Variants in TAGLN2 observed in about 807,000 individuals in gnomAD.
TAGLN2 encodes the protein transgelin-2.
TAGLN2 carries 14 observed loss-of-function variants against 24.9 expected under a neutral mutation model. The ratio of observed to expected loss-of-function variants is 0.56; its 90% CI spans 0.37 to 0.88. The LOEUF (loss-of-function observed/expected upper bound fraction) is 0.88. Ranked by LOEUF, TAGLN2 falls within the 40% of genes least tolerant of loss-of-function variation. The probability of loss-of-function intolerance (pLI) is 0.00; values close to 1 mark genes in which losing one functional copy is unlikely to be tolerated. For missense variants in TAGLN2, 208 were observed against 258.9 expected, an observed-to-expected ratio of 0.80 and a Z score of 1.35; for synonymous variants, 77 against 98.2, an observed-to-expected ratio of 0.78 and a Z score of 1.28.
intron 1 of TAGLN2, chr1:159,923,698 A>AAAT: frequency 2.3e-6 from 1 of 441,740 alleles, no homozygotes; most frequent in Admixed American, 4.2e-5. Context: ...GAACCACCGT[A>AAAT]GGGCAGCCCC....
chr1:159,919,862 G>A, intron 2 of TAGLN2, 27 bp from the exon 3 acceptor site: 1 of 1,608,820 alleles, frequency 6.2e-7, no homozygotes, highest in Non-Finnish European at 8.5e-7. Context: ...GGGGTGGAAA[G>A]GTGAGAATAT....
At chr1:159,920,793 T>A (rs770299158) in intron 1 of TAGLN2, among the ~76,000 whole-genome samples, 3 of 152,204 alleles carry the variant, frequency 2.0e-5, no homozygotes, top group Non-Finnish European at 4.4e-5. Flanking sequence ...GGGTTTTCTT[T>A]GCTTTTTTTT....
chr1:159,922,631 G>C (rs75881669), intron 1 of TAGLN2, among the ~76,000 whole-genome samples: 7 of 152,336 alleles, frequency 4.6e-5, no homozygotes, highest in Non-Finnish European at 1.0e-4. Flanking sequence ...CCGCAGCCCA[G>C]TTCCAGACCT....
rs1324998878 is a variant in TAGLN2 at position 159,918,177 on chromosome 1, G to C, written c.*623C>G. The C allele has an allele frequency of 6.6e-6, 1 of 152,242 alleles. No individual in the cohort carries two copies. The highest frequency in any genetic ancestry group is 1.5e-5 in the Non-Finnish European group (1 of 68,116). 9.4% of individuals were successfully genotyped at this position (152,242 alleles called of 1,614,324 possible). On this transcript the variant is annotated 3_prime_UTR_variant, in exon 5 of 5. Transcript: ENST00000368097. Reference sequence around the variant, plus strand: ...CTTCCTCAAGCCCCAGACCATGGTAGGCAGCCCTCCCTCTCCATCCCCTCA... The same window carrying C: ...CTTCCTCAAGCCCCAGACCATGGTACGCAGCCCTCCCTCTCCATCCCCTCA...
At chr1:159,920,277 G>A in intron 2 of TAGLN2, 53 bp downstream of exon 2, 1 of 1,613,732 alleles carries the variant, frequency 6.2e-7, no homozygotes, top group African/African-American at 1.3e-5. Context: ...CCAGTCCACT[G>A]GACCCAGTCC....
intron 1 of TAGLN2, 183 bp from the exon 2 acceptor site, chr1:159,920,720 G>A (rs1650503511): frequency 6.2e-6 from 5 of 807,346 alleles, no homozygotes; most frequent in Non-Finnish European, 7.5e-6. Flanking sequence ...AATGATTTGG[G>A]GAGAGGAGGA....
chr1:159,919,614 T>C (rs1406682390), intron 3 of TAGLN2, 47 bp downstream of exon 3: 2 of 1,601,186 alleles, frequency 1.2e-6, no homozygotes, highest in Admixed American at 1.7e-5. Context: ...CCCAGCCCAA[T>C]CTCTGGCCTC....
intron 1 of TAGLN2, among the ~76,000 whole-genome samples, chr1:159,923,096 G>A (rs773029124): frequency 1.3e-5 from 2 of 152,238 alleles, no homozygotes; most frequent in Non-Finnish European, 2.9e-5. Context: ...GATGGGCTGC[G>A]GCTGCTGGAG....
At chr1:159,921,220 T>C (rs1650521456) in intron 1 of TAGLN2, among the ~76,000 whole-genome samples, 1 of 152,244 alleles carries the variant, frequency 6.6e-6, no homozygotes, top group African/African-American at 2.4e-5. Flanking sequence ...CCTGTGGATA[T>C]TGTTATCTTA....
At chr1:159,922,298 G>A (rs2789422) in intron 1 of TAGLN2, among the ~76,000 whole-genome samples, 49,694 of 152,028 alleles carry the variant, frequency 0.33, 10,101 homozygotes, top group Non-Finnish European at 0.42. Flanking sequence ...GCACATTTCC[G>A]GCAGATCCTC....
intron 1 of TAGLN2, among the ~76,000 whole-genome samples, chr1:159,922,702 G>A (rs1650572099): frequency 6.6e-6 from 1 of 152,148 alleles, no homozygotes; most frequent in African/African-American, 2.4e-5. Flanking sequence ...TGAGGCTCGG[G>A]GATCACCATG....
At chr1:159,920,035 GT>G in intron 2 of TAGLN2, 200 bp from the exon 3 acceptor site, 1 of 764,830 alleles carries the variant, frequency 1.3e-6, no homozygotes, top group Non-Finnish European at 2.2e-6. Flanking sequence ...AAAAGCCAGT[GT>G]TTAGTCTTTC....
At chr1:159,922,747 C>G (rs1319037003) in intron 1 of TAGLN2, among the ~76,000 whole-genome samples, 1 of 152,202 alleles carries the variant, frequency 6.6e-6, no homozygotes, top group Non-Finnish European at 1.5e-5. Context: ...AATGATTAAC[C>G]TAGACACTGG....
chr1:159,919,293 C>A lies in TAGLN2; in HGVS notation c.439G>T (p.Asp147Tyr). 6.2e-7 allele frequency: 1 copy of A among 1,614,196 alleles called. No individual in the cohort carries two copies. The highest frequency in any genetic ancestry group is 1.6e-4 in the Middle Eastern group (1 of 6,062). Residue 147 changes from aspartate (D) to tyrosine (Y), a missense_variant, in exon 4 of 5, where the codon GAT (aspartate) becomes TAT (tyrosine). Coordinates refer to ENST00000368097, the MANE Select transcript of TAGLN2 (RefSeq NM_003564.3). Reference sequence around the variant, plus strand: ...ACTTACTTAGGGAACCAGTTGGGATCCCCAGAGAAGAGCCCATCATCTCGG... The same window carrying A: ...ACTTACTTAGGGAACCAGTTGGGATACCCAGAGAAGAGCCCATCATCTCGG... ...VARDDGLFSG[D>Y]PNWFPKKSKE...
At position 159,918,743 on chromosome 1, in the gene TAGLN2, A is replaced by G; in HGVS notation, c.*57T>C. 1 of 1,573,328 alleles carries G rather than the reference A, an allele frequency of 6.4e-7. No individual in the cohort carries two copies. Among genetic ancestry groups the G allele is most frequent in the South Asian group, 1.2e-5 (1 of 85,592 alleles). ...TCTGGGAATGTCACTGCTAAAATAT[A>G]TATCTACATATATATTAACCATTCG... On this transcript the variant is annotated 3_prime_UTR_variant, in exon 5 of 5. Transcript: ENST00000368097.
In TAGLN2 at chr1:159,918,536, T is replaced by G. The variant is rs1004218482; in HGVS notation, c.*264A>C. The G allele has an allele frequency of 4.4e-6, 2 of 455,246 alleles. No individual in the cohort carries two copies. The highest frequency in any genetic ancestry group is 4.0e-5 in the African/African-American group (2 of 50,322). 28.2% of individuals were successfully genotyped at this position (455,246 alleles called of 1,614,324 possible). On this transcript the variant is annotated 3_prime_UTR_variant, in exon 5 of 5. Transcript: ENST00000368097. ...AGGCCAGGGCATGGCGGTGAGGGAC[T>G]GAGGCCCCTAAATTTTGGTCCCAGG... is the stretch of plus-strand genomic sequence containing the variant.
intron 1 of TAGLN2, chr1:159,924,437 C>G (rs1432743088): frequency 6.6e-6 from 1 of 152,426 alleles, no homozygotes; most frequent in Non-Finnish European, 1.5e-5. Flanking sequence ...TCGAATCCCA[C>G]ACTCCATCCC....
At position 159,919,286 on chromosome 1, in the gene TAGLN2, T is replaced by G; in HGVS notation, c.446A>C (p.Asn149Thr). Reference sequence around the variant, plus strand: ...CAGCAATACTTACTTAGGGAACCAGTTGGGATCCCCAGAGAAGAGCCCATC... The same window carrying G: ...CAGCAATACTTACTTAGGGAACCAGGTGGGATCCCCAGAGAAGAGCCCATC... ...RDDGLFSGDP[N>T]WFPKKSKENP... Residue 149 changes from asparagine (N) to threonine (T), a missense_variant, in exon 4 of 5, where the codon AAC (asparagine) becomes ACC (threonine). By Grantham distance (65) the Asn-to-Thr change is moderately conservative. Transcript: ENST00000368097. 1 of 1,614,010 alleles carries G rather than the reference T, an allele frequency of 6.2e-7. No individual in the cohort carries two copies. Among genetic ancestry groups the G allele is most frequent in the Non-Finnish European group, 8.5e-7 (1 of 1,179,852 alleles).
rs1420404224 is a variant in TAGLN2, at chr1:159,918,522, T to C, written c.*278A>G. ...AGGAGAGACAGAATAGGCCAGGGCA[T>C]GGCGGTGAGGGACTGAGGCCCCTAA... On this transcript the variant is annotated 3_prime_UTR_variant, in exon 5 of 5. Transcript: ENST00000368097. 2 of 408,360 alleles carry C rather than the reference T, an allele frequency of 4.9e-6. No individual in the cohort carries two copies. Among genetic ancestry groups the C allele is most frequent in the East Asian group, 8.7e-5 (2 of 22,984 alleles). 25.3% of individuals were successfully genotyped at this position (408,360 alleles called of 1,614,324 possible). A position where few individuals can be genotyped will look rare whatever the true frequency, so the allele number is the denominator to read the frequency against.
Sources: allele counts gnomAD v4.1 joint callset (sites outside exome capture counted in the v4.1 genomes callset), GRCh38; gene constraint gnomAD v4.1.1; transcripts MANE v1.5; gene names NCBI Gene and HGNC (gene_info 2026-07-23, HGNC 2026-07-21).